The following PRKAA1 variants were observed in gnomAD, a reference collection of about 807,000 sequenced individuals.
The protein encoded by PRKAA1 is 5'-AMP-activated protein kinase catalytic subunit alpha-1.
A neutral mutation model predicts 56.9 loss-of-function variants in PRKAA1; 23 were observed. That is an observed-to-expected ratio of 0.40 (90% CI 0.29 to 0.57). PRKAA1 has a LOEUF of 0.57. Among genes scored for constraint, PRKAA1 ranks in the 20% least tolerant of loss-of-function variants. PRKAA1 has a pLI of 0.39. For missense variants in PRKAA1, 413 were observed against 679.7 expected, an observed-to-expected ratio of 0.61 and a Z score of 4.36; for synonymous variants, 226 against 227.0, an observed-to-expected ratio of 1.00 and a Z score of 0.04.
Position 40,759,469 on chromosome 5 carries a change from A to G in PRKAA1, c.*3309T>C, listed in dbSNP as rs2111957973. 6.6e-6 allele frequency: 1 copy of G among 152,440 alleles called. No homozygotes were observed. Among genetic ancestry groups the G allele is most frequent in the African/African-American group, 2.4e-5 (1 of 41,566 alleles). The allele number at this position is 152,440 out of a possible 1,614,324, so 9.4% of individuals were successfully genotyped here. A position where few individuals can be genotyped will look rare whatever the true frequency, so the allele number is the denominator to read the frequency against. On this transcript the variant is annotated 3_prime_UTR_variant, in exon 9 of 9. Coordinates refer to ENST00000397128, the MANE Select transcript of PRKAA1 (RefSeq NM_006251.6). ...TATACTTAAATATACTCTGGTCAAA[A>G]TATACATGAACCACAAATATTAACT... is the stretch of plus-strand genomic sequence containing the variant.
At position 40,771,703 on chromosome 5, in the gene PRKAA1, A is replaced by G. The variant is rs1348179434; in HGVS notation, c.508+16T>C. The G allele has an allele frequency of 6.3e-7, 1 of 1,589,150 alleles. No homozygotes were observed. Among genetic ancestry groups the G allele is most frequent in the Non-Finnish European group, 8.5e-7 (1 of 1,173,444 alleles). ...CATTAGAAATGAACGTTAAGAAACT[A>G]TAAAATTATCCTTACCAAAATCAGC... On this transcript the variant is annotated intron_variant, in intron 4 of 8. Coordinates refer to ENST00000397128, the MANE Select transcript of PRKAA1 (RefSeq NM_006251.6).
intron 1 of PRKAA1, among the ~76,000 whole-genome samples, chr5:40,785,992 C>T (rs1447460668): frequency 3.9e-5 from 6 of 152,084 alleles, no homozygotes; most frequent in Admixed American, 6.6e-5. Context: ...CGGTGGCTCA[C>T]GCCTGTAATC....
At chr5:40,789,988 G>A (rs762036622) in intron 1 of PRKAA1, 1 of 152,164 alleles carries the variant, frequency 6.6e-6, no homozygotes, top group Non-Finnish European at 1.5e-5. Context: ...AAGCGAAAGA[G>A]GAGACCTGAA....
chr5:40,781,737 T>G (rs1744273380), intron 1 of PRKAA1, among the ~76,000 whole-genome samples: 1 of 152,132 alleles, frequency 6.6e-6, no homozygotes, highest in Admixed American at 6.5e-5. Context: ...GCCACAATTA[T>G]GAAAAAACCA....
At chr5:40,781,312 G>A (rs1355871213) in intron 1 of PRKAA1, among the ~76,000 whole-genome samples, 2 of 152,216 alleles carry the variant, frequency 1.3e-5, no homozygotes, top group Non-Finnish European at 2.9e-5. Flanking sequence ...ACAGTCATGA[G>A]GCTAAGTCTC....
chr5:40,776,301 G>A (rs1346953401), intron 2 of PRKAA1, among the ~76,000 whole-genome samples: 1 of 152,224 alleles, frequency 6.6e-6, no homozygotes, highest in Non-Finnish European at 1.5e-5. Context: ...TTTAGCCCTG[G>A]GTCATTGGCT....
At chr5:40,773,773 C>A (rs1008964390) in intron 3 of PRKAA1, among the ~76,000 whole-genome samples, 1 of 152,192 alleles carries the variant, frequency 6.6e-6, no homozygotes, top group Non-Finnish European at 1.5e-5. Context: ...GAAAACAGGA[C>A]AAGTGCTTGA....
At chr5:40,774,728 T>C (rs1354088937) in intron 3 of PRKAA1, among the ~76,000 whole-genome samples, 1 of 152,102 alleles carries the variant, frequency 6.6e-6, no homozygotes, top group Admixed American at 6.5e-5. Context: ...GTAAATAACT[T>C]AAAATTGAGA....
intron 5 of PRKAA1, chr5:40,768,659 T>A: frequency 8.3e-7 from 1 of 1,203,774 alleles, no homozygotes; most frequent in Non-Finnish European, 1.0e-6. Context: ...TAGAAAATAC[T>A]ACAGTATTTC....
rs779988288 is a variant in PRKAA1 at position 40,764,539 on chromosome 5, A to G, written c.1410T>C (p.Tyr470=). 7.4e-5 allele frequency: 119 copies of G among 1,612,316 alleles called. 1 individual carries two copies. The Admixed American group carries it at 1.2e-3, about 16-fold the overall frequency. ...CATCAATACTACGGAAATCCAGTAG[A>G]TAAGTTCTACTATCCACTTGGTATA... ...LQLYQVDSRT[Y]LLDFRSIDDE... is the part of the protein sequence containing the mutation. The change falls in exon 8 of 9, where the codon TAT becomes TAC. Residue 470 remains tyrosine, a synonymous_variant. Transcript: ENST00000397128.
At chr5:40,790,446 A>G (rs1682820416) in intron 1 of PRKAA1, among the ~76,000 whole-genome samples, 2 of 149,760 alleles carry the variant, frequency 1.3e-5, no homozygotes, top group Non-Finnish European at 2.9e-5. Context: ...CTCCCAGCCT[A>G]TAGTGTTCCA....
At chr5:40,775,082 A>G in intron 3 of PRKAA1, 1 of 886,818 alleles carries the variant, frequency 1.1e-6, no homozygotes, top group Admixed American at 2.3e-5. Flanking sequence ...ATTAAGATAC[A>G]TATTCAAAGT....
intron 1 of PRKAA1, among the ~76,000 whole-genome samples, chr5:40,793,464 C>G (rs558442027): frequency 3.2e-4 from 49 of 152,104 alleles, no homozygotes; most frequent in Non-Finnish European, 5.9e-4. Context: ...CTACTCTCCC[C>G]GCAAAATTAA....
Position 40,762,616 on chromosome 5 carries a change from AG to A in PRKAA1, c.*161del. The A allele has an allele frequency of 1.2e-6, 1 of 827,578 alleles. No homozygotes were observed. Among genetic ancestry groups the A allele is most frequent in the Non-Finnish European group, 1.8e-6 (1 of 546,962 alleles). 51.3% of individuals were successfully genotyped at this position (827,578 alleles called of 1,614,324 possible). On this transcript the variant is annotated 3_prime_UTR_variant, in exon 9 of 9. Transcript: ENST00000397128. ...TGATCTTAATTCATTTCTGCATATT[AG>A]GCTTTTAACTATAAATCATGTTCCA...
chr5:40,786,053 G>C (rs546534236), intron 1 of PRKAA1, among the ~76,000 whole-genome samples: 2 of 151,958 alleles, frequency 1.3e-5, no homozygotes, highest in African/African-American at 4.8e-5. Context: ...TCAGGAGTTC[G>C]AGACCAGCCT....
At chr5:40,791,045 C>G (rs1394852595) in intron 1 of PRKAA1, among the ~76,000 whole-genome samples, 2 of 152,128 alleles carry the variant, frequency 1.3e-5, no homozygotes, top group Admixed American at 6.6e-5. Context: ...TTTGACCTAT[C>G]CACTCTCCCC....
intron 8 of PRKAA1, 166 bp downstream of exon 8, chr5:40,764,348 A>G: frequency 1.6e-6 from 1 of 639,898 alleles, no homozygotes; most frequent in Non-Finnish European, 2.5e-6. Flanking sequence ...TACAAGAAAA[A>G]TAAGATTCAT....
intron 1 of PRKAA1, among the ~76,000 whole-genome samples, chr5:40,796,042 C>T (rs921869774): frequency 3.9e-5 from 6 of 152,326 alleles, no homozygotes; most frequent in African/African-American, 1.4e-4. Flanking sequence ...CCTGGCCGGG[C>T]ACAGTGGCTC....
At chr5:40,785,741 T>TG (rs1235879241) in intron 1 of PRKAA1, among the ~76,000 whole-genome samples, 1 of 151,838 alleles carries the variant, frequency 6.6e-6, no homozygotes, top group Non-Finnish European at 1.5e-5. Flanking sequence ...ACGTGACTAG[T>TG]GAAGGATTTG....
Sources: gnomAD v4.1 joint callset for allele counts (sites outside exome capture counted in the v4.1 genomes callset) on GRCh38, gnomAD v4.1.1 for gene constraint, MANE v1.5 for transcripts, NCBI Gene and HGNC (gene_info 2026-07-23, HGNC 2026-07-21) for gene names.